Variants in COL23A1 observed in about 807,000 individuals in gnomAD.
COL23A1 encodes the protein collagen alpha-1(XXIII) chain.
Under a neutral mutation model 99.3 loss-of-function variants are expected in COL23A1, and 97 were observed. The ratio of observed to expected loss-of-function variants is 0.98; its 90% CI spans 0.83 to 1.16. COL23A1 has a LOEUF of 1.16. Ranked by LOEUF, COL23A1 falls within the 50% of genes most tolerant of loss-of-function variation. The probability of loss-of-function intolerance (pLI) is 0.00; values close to 1 mark genes in which losing one functional copy is unlikely to be tolerated. For synonymous variants in COL23A1, 320 were observed against 308.2 expected (o/e 1.04, Z -0.40); for missense variants, 762 against 757.4 (o/e 1.01, Z -0.07).
intron 2 of COL23A1, among the ~76,000 whole-genome samples, chr5:178,463,456 A>G (rs1756237148): frequency 2.0e-5 from 3 of 152,208 alleles, no homozygotes; most frequent in Admixed American, 6.5e-5. Flanking sequence ...GGATGGGAGG[A>G]AAGGGCAGGA....
At chr5:178,461,794 G>A (rs73338635) in intron 2 of COL23A1, among the ~76,000 whole-genome samples, 3,184 of 152,284 alleles carry the variant, frequency 0.021, 135 homozygotes, top group African/African-American at 0.073. Flanking sequence ...ACACTGGTAG[G>A]GTTTTTTATC....
intron 3 of COL23A1, among the ~76,000 whole-genome samples, chr5:178,297,817 GC>G (rs1757827349): frequency 6.6e-6 from 1 of 152,156 alleles, no homozygotes; most frequent in Non-Finnish European, 1.5e-5. Flanking sequence ...GCTGAAGAGG[GC>G]AAGAGCACCT....
intron 2 of COL23A1, among the ~76,000 whole-genome samples, chr5:178,325,556 T>C (rs1185511284): frequency 1.3e-5 from 2 of 152,094 alleles, no homozygotes; most frequent in Non-Finnish European, 2.9e-5. Context: ...GACTTATGTC[T>C]TAGCCTTCCC....
intron 1 of COL23A1, among the ~76,000 whole-genome samples, chr5:178,563,261 C>T (rs777679923): frequency 1.3e-5 from 2 of 152,186 alleles, no homozygotes; most frequent in Admixed American, 6.5e-5. Context: ...GATGGAGCTG[C>T]CCAGCTGTCC....
At position 178,345,272 on chromosome 5, in the gene COL23A1, G is replaced by A. The variant is rs571056010; in HGVS notation, c.362-38353C>T. ...AGACAGACCTAAATTTGATGAACTC[G>A]GTGCCAGTAATCTGCCCCCTAGTTT... On this transcript the variant is annotated intron_variant, in intron 2 of 28. Coordinates refer to ENST00000390654, the MANE Select transcript of COL23A1 (RefSeq NM_173465.4). 4,709 of 689,424 alleles carry A rather than the reference G, an allele frequency of 6.8e-3. 91 individuals carry two copies. The highest frequency in any genetic ancestry group is 0.03 in the Middle Eastern group (115 of 3,788). The allele number at this position is 689,424 out of a possible 1,614,324, so 42.7% of individuals were successfully genotyped here.
intron 2 of COL23A1, among the ~76,000 whole-genome samples, chr5:178,431,003 G>C (rs2127818383): frequency 6.6e-6 from 1 of 152,248 alleles, no homozygotes; most frequent in South Asian, 2.1e-4. Flanking sequence ...AGATGCCAGA[G>C]GGAGACGGGC....
At chr5:178,420,155 G>A (rs56393344) in intron 2 of COL23A1, among the ~76,000 whole-genome samples, 34,128 of 152,124 alleles carry the variant, frequency 0.22, 4,616 homozygotes, top group Non-Finnish European at 0.31. Context: ...AGTTTCTACC[G>A]CAGTCTCGTC....
At chr5:178,581,980 A>C (rs1763682008) in intron 1 of COL23A1, among the ~76,000 whole-genome samples, 1 of 152,162 alleles carries the variant, frequency 6.6e-6, no homozygotes. Context: ...TTAGGATGGT[A>C]AGATTATAGG....
rs529099991 is a variant in COL23A1 at position 178,555,207 on chromosome 5, C to G, written c.361+5475G>C. 2.0e-5 allele frequency among the ~76,000 whole-genome samples: 3 copies of G among 152,272 alleles called. No individual in the cohort carries two copies. The East Asian group carries it at 5.8e-4, about 29-fold the overall frequency. Reference sequence around the variant, plus strand: ...GGGACAGCGGTCATGAGGGCCCACCCTAAGGCCTCATGTCACCTACTCTCC... The same window carrying G: ...GGGACAGCGGTCATGAGGGCCCACCGTAAGGCCTCATGTCACCTACTCTCC... On this transcript the variant is annotated intron_variant, in intron 2 of 28. Transcript: ENST00000390654.
At chr5:178,301,455 T>G (rs150650200) in intron 3 of COL23A1, among the ~76,000 whole-genome samples, 181 of 152,372 alleles carry the variant, frequency 1.2e-3, no homozygotes, top group African/African-American at 4.1e-3. Context: ...TTCTATTGAC[T>G]GTACTTTTTC....
At chr5:178,296,586 A>G (rs1315010486) in intron 3 of COL23A1, among the ~76,000 whole-genome samples, 2 of 151,818 alleles carry the variant, frequency 1.3e-5, no homozygotes, top group African/African-American at 4.8e-5. Flanking sequence ...CCACAGAAAG[A>G]GCGGTAATGT....
At chr5:178,522,353 A>T (rs1484466506) in intron 2 of COL23A1, among the ~76,000 whole-genome samples, 2 of 152,198 alleles carry the variant, frequency 1.3e-5, no homozygotes. Context: ...TCAAATGAAG[A>T]CATACATATT....
At chr5:178,276,699 G>A (rs537924847) in intron 5 of COL23A1, among the ~76,000 whole-genome samples, 4 of 152,334 alleles carry the variant, frequency 2.6e-5, no homozygotes, top group South Asian at 2.1e-4. Context: ...AAGACTGTCC[G>A]GGGCTTAGCA....
intron 2 of COL23A1, among the ~76,000 whole-genome samples, chr5:178,550,633 T>C (rs1229162443): frequency 6.6e-6 from 1 of 152,166 alleles, no homozygotes; most frequent in Non-Finnish European, 1.5e-5. Flanking sequence ...CTTCAATCCA[T>C]GTGGAATATA....
At chr5:178,256,512 C>T (rs1424852288) in intron 14 of COL23A1, 115 bp from the exon 15 acceptor site, 1 of 931,454 alleles carries the variant, frequency 1.1e-6, no homozygotes, top group East Asian at 2.7e-5. Context: ...AGTGCTGGAA[C>T]CCTAATAGCC....
Position 178,589,920 on chromosome 5 carries a change from T to C in COL23A1, c.278A>G (p.Glu93Gly), listed in dbSNP as rs1157400713. 8.3e-6 allele frequency: 11 copies of C among 1,318,796 alleles called. No individual in the cohort carries two copies. In the South Asian group the frequency reaches 1.9e-4, roughly 23 times the overall value. 81.7% of individuals were successfully genotyped at this position (1,318,796 alleles called of 1,614,324 possible). A position where few individuals can be genotyped will look rare whatever the true frequency, so the allele number is the denominator to read the frequency against. The part of the protein sequence containing the change: ...ALDAWAEPHL[E>G]RLLREKLDGL... ...GACGCTCACCTCCCGCAGCAGGCGCTCCAGGTGCGGCTCGGCCCAGGCGTC... is the reference window on the plus strand; with the variant it reads ...GACGCTCACCTCCCGCAGCAGGCGCCCCAGGTGCGGCTCGGCCCAGGCGTC... The change falls in exon 1 of 29, where the codon GAG (glutamate) becomes GGG (glycine). Residue 93 changes from glutamate (E) to glycine (G), a missense_variant. Transcript: ENST00000390654. This position sits in a 1 kb window ranked among gnomAD's most constrained non-coding sequence, Gnocchi z 5.4.
intron 2 of COL23A1, chr5:178,352,219 G>T (rs961546244): frequency 6.6e-6 from 1 of 152,150 alleles, no homozygotes; most frequent in East Asian, 1.9e-4. Context: ...AGCTGCAGGC[G>T]GTTCTGTGAC....
chr5:178,543,473 G>A (rs1400228085), intron 2 of COL23A1, among the ~76,000 whole-genome samples: 2 of 152,144 alleles, frequency 1.3e-5, no homozygotes, highest in African/African-American at 2.4e-5. Flanking sequence ...TCAAAAGACT[G>A]GGGCCATAGG....
chr5:178,581,723 G>A (rs1417837826), intron 1 of COL23A1, among the ~76,000 whole-genome samples: 1 of 152,138 alleles, frequency 6.6e-6, no homozygotes, highest in Non-Finnish European at 1.5e-5. Context: ...GGGGGAGGGT[G>A]TATGCCACGT....
Sources: gnomAD v4.1 joint callset for allele counts (sites outside exome capture counted in the v4.1 genomes callset) on GRCh38, gnomAD v4.1.1 for gene constraint, Gnocchi (gnomAD v3.1) non-coding constraint, MANE v1.5 for transcripts, NCBI Gene and HGNC (gene_info 2026-07-23, HGNC 2026-07-21) for gene names.